The following NIBAN3 variants were observed in gnomAD, a reference collection of about 807,000 sequenced individuals.
The protein encoded by NIBAN3 is protein Niban 3.
Under a neutral mutation model 76.4 loss-of-function variants are expected in NIBAN3, and 66 were observed. That is an observed-to-expected ratio of 0.86 (90% CI 0.71 to 1.06). The LOEUF (loss-of-function observed/expected upper bound fraction) is 1.06, where lower values mean the gene tolerates loss of function less well. Ranked by LOEUF, NIBAN3 falls within the 50% of genes least tolerant of loss-of-function variation. NIBAN3 has a pLI of 0.00. For synonymous variants in NIBAN3, 360 were observed against 355.2 expected, an observed-to-expected ratio of 1.01 and a Z score of -0.15; for missense variants, 808 against 810.7, an observed-to-expected ratio of 1.00 and a Z score of 0.04.
At position 17,543,567 on chromosome 19, in the gene NIBAN3, G is replaced by C. The variant is rs754087949; in HGVS notation, c.1490G>C (p.Arg497Pro). The C allele has an allele frequency of 6.2e-7, 1 of 1,614,164 alleles. No homozygotes were observed. The highest frequency in any genetic ancestry group is 8.5e-7 in the Non-Finnish European group (1 of 1,180,022). Residue 497 changes from arginine to proline, a missense_variant, in exon 12 of 15, where the codon CGA (arginine) becomes CCA (proline). Transcript: ENST00000599164. ...GGGTTGGCGCAGAGGAGGTTCATCCGAGGCTGGGGTCTCTGCATCTTTTTA... is the reference window on the plus strand; with the variant it reads ...GGGTTGGCGCAGAGGAGGTTCATCCCAGGCTGGGGTCTCTGCATCTTTTTA... The part of the protein sequence containing the change: ...DSGLAQRRFI[R>P]GWGLCIFLPF...
chr19:17,554,103 A>T (rs922550365), downstream of NIBAN3, among the ~76,000 whole-genome samples: 3 of 151,920 alleles, frequency 2.0e-5, no homozygotes, highest in Non-Finnish European at 4.4e-5. Flanking sequence ...CGAACTCCTG[A>T]CCTCAAGTGA....
At chr19:17,555,029 A>G (rs909587276), downstream of NIBAN3, among the ~76,000 whole-genome samples, 26 of 152,004 alleles carry the variant, frequency 1.7e-4, no homozygotes, top group Non-Finnish European at 3.7e-4. Context: ...CCATGAAAAC[A>G]TGGCCCTTGT....
intron 14 of NIBAN3, 125 bp from the exon 15 acceptor site, chr19:17,551,661 G>A (rs1458227217): frequency 2.4e-5 from 13 of 548,038 alleles, no homozygotes; most frequent in Non-Finnish European, 3.0e-5. Context: ...AGAGTGCTGG[G>A]ATTACAGGCA....
intron 1 of NIBAN3, among the ~76,000 whole-genome samples, chr19:17,528,070 A>T (rs1228445122): frequency 6.8e-6 from 1 of 148,068 alleles, no homozygotes; most frequent in Non-Finnish European, 1.5e-5. Flanking sequence ...TTACCCCTTT[A>T]TGGTTTTTTT....
chr19:17,546,849 T>C (rs1460686086), intron 13 of NIBAN3, 52 bp downstream of exon 13: 7 of 1,547,690 alleles, frequency 4.5e-6, no homozygotes, highest in Non-Finnish European at 6.1e-6. Flanking sequence ...CTTGGCTGTA[T>C]GTACCGAGCC....
intron 5 of NIBAN3, among the ~76,000 whole-genome samples, chr19:17,537,859 T>TGG (rs2075853105): frequency 6.6e-6 from 1 of 151,576 alleles, no homozygotes; most frequent in African/African-American, 2.4e-5. Flanking sequence ...GGCAGGAGAA[T>TGG]CACTTGAACC....
intron 7 of NIBAN3, 72 bp from the exon 8 acceptor site, chr19:17,539,531 C>A (rs1183271211): frequency 4.7e-5 from 69 of 1,465,530 alleles, no homozygotes; most frequent in Non-Finnish European, 6.2e-5. Context: ...CGCCTAAACC[C>A]TCTCCCGATC....
chr19:17,525,354 CATTCATTCATTCATGCACACGTTT>C (rs960565340), upstream of NIBAN3, among the ~76,000 whole-genome samples: 9 of 151,984 alleles, frequency 5.9e-5, no homozygotes, highest in African/African-American at 1.9e-4. Flanking sequence ...TTCATTCATT[CATTCATTCATTCATGCACACGTTT>C]ATTCATGCAT....
At chr19:17,539,090 G>C in intron 5 of NIBAN3, 60 bp from the exon 6 acceptor site, 5 of 1,441,064 alleles carry the variant, frequency 3.5e-6, no homozygotes, top group Non-Finnish European at 4.7e-6. Context: ...CTTCCTCCCC[G>C]GGCCATCGGG....
chr19:17,554,880 A>G (rs1393662688), downstream of NIBAN3, among the ~76,000 whole-genome samples: 1 of 149,464 alleles, frequency 6.7e-6, no homozygotes, highest in Non-Finnish European at 1.5e-5. Context: ...CGGTCTTGCT[A>G]TGTTGCACCA....
chr19:17,547,913 A>C (rs4808665), intron 13 of NIBAN3, among the ~76,000 whole-genome samples: 134,432 of 152,120 alleles, frequency 0.88, 59,830 homozygotes, highest in Middle Eastern at 0.96. Context: ...GATCCGCCTG[A>C]CTTGGCCTCC....
chr19:17,537,728 C>T (rs555451408), intron 5 of NIBAN3, among the ~76,000 whole-genome samples, 185 bp downstream of exon 5: 1 of 151,436 alleles, frequency 6.6e-6, no homozygotes, highest in East Asian at 2.0e-4. Flanking sequence ...GGCAGATCAC[C>T]CAATGTCAGG....
Position 17,549,560 on chromosome 19 carries a change from AGT to A in NIBAN3, c.1750+35_1750+36del, listed in dbSNP as rs750300096. On this transcript the variant is annotated intron_variant, in intron 14 of 14. Coordinates refer to ENST00000599164, the MANE Select transcript of NIBAN3 (RefSeq NM_001321827.2). ...ACTTCACAGGCTTCTGAAACATGCC[AGT>A]GATTGCTGGGGGTGGGGAGGTGGAG... The A allele has an allele frequency of 5.8e-6, 9 of 1,543,256 alleles. 1 individual carries two copies. In the East Asian group the frequency reaches 2.0e-4, roughly 35 times the overall value.
intron 9 of NIBAN3, 27 bp downstream of exon 9, chr19:17,540,609 T>C (rs2075931466): frequency 7.1e-7 from 1 of 1,416,578 alleles, no homozygotes; most frequent in Non-Finnish European, 9.3e-7. Context: ...AGGGGTTCAG[T>C]GAGCCAGAGG....
chr19:17,527,212 G>A, upstream of NIBAN3: 2 of 1,546,844 alleles, frequency 1.3e-6, no homozygotes, highest in Middle Eastern at 2.1e-4. Context: ...AGCGTGGGGT[G>A]GGGCAGGGGC....
Position 17,542,438 on chromosome 19 carries a change from A to C in NIBAN3, c.1329+144A>C. On this transcript the variant is annotated intron_variant, in intron 10 of 14. Coordinates refer to ENST00000599164, the MANE Select transcript of NIBAN3 (RefSeq NM_001321827.2). This position sits in a 1 kb window ranked among gnomAD's most constrained non-coding sequence, Gnocchi z 4.8. ...CTCATGGGGACATGAGCCCGTGACC[A>C]GGCAGCAGCCACATGTGGTGGACAG... is the stretch of plus-strand genomic sequence containing the variant. 1.2e-6 allele frequency: 1 copy of C among 865,360 alleles called. No homozygotes were observed. The highest frequency in any genetic ancestry group is 1.7e-5 in the South Asian group (1 of 57,754). The allele number at this position is 865,360 out of a possible 1,614,324, so 53.6% of individuals were successfully genotyped here.
rs1315622255 is a variant in NIBAN3, at chr19:17,532,328, G to A, written c.252G>A (p.Trp84Ter). Reference protein sequence around the residue: ...LTQLRGHPPRWQPIFCVLRGD... With the variant: ...LTQLRGHPPR ...AGCTTCGGGGCCACCCACCCCGGTGGCAGCCGATCTTCTGTGTTCTGCGTG... is the reference window on the plus strand; with the variant it reads ...AGCTTCGGGGCCACCCACCCCGGTGACAGCCGATCTTCTGTGTTCTGCGTG... Residue 84 changes from tryptophan (W) to a stop codon, truncating the protein, a stop_gained, in exon 3 of 15, where the codon TGG (tryptophan) becomes TGA (stop). Transcript: ENST00000599164. LOFTEE classifies it high-confidence loss of function. 2 of 1,614,016 alleles carry A rather than the reference G, an allele frequency of 1.2e-6. No homozygotes were observed. Among genetic ancestry groups the A allele is most frequent in the Non-Finnish European group, 1.7e-6 (2 of 1,180,000 alleles).
chr19:17,549,821 TCTCTC>T (rs200207542), intron 14 of NIBAN3: 31 of 494,452 alleles, frequency 6.3e-5, no homozygotes, highest in African/African-American at 8.0e-5. Flanking sequence ...TCTCTCTCTC[TCTCTC>T]TTTTTTTTTT....
rs1469917139 is a variant in NIBAN3, at chr19:17,531,328, C to CAT, written c.186+444_186+445insTA. On this transcript the variant is annotated intron_variant, in intron 2 of 14. Coordinates refer to ENST00000599164, the MANE Select transcript of NIBAN3 (RefSeq NM_001321827.2). Reference sequence around the variant, plus strand: ...GGCAACAGAGCTAGACTCTGTCAAACACACACACACACACACACACACACA... The same window carrying CAT: ...GGCAACAGAGCTAGACTCTGTCAAACATACACACACACACACACACACACACA... Among the ~76,000 whole-genome samples, 53 of 9,630 alleles carry CAT rather than the reference C, an allele frequency of 5.5e-3. 1 individual carries two copies. In the African/African-American group the frequency reaches 0.07, roughly 13 times the overall value. The allele number at this position is 9,630 out of a possible 152,430, so 6.3% of individuals were successfully genotyped here.
Sources: allele counts gnomAD v4.1 joint callset (sites outside exome capture counted in the v4.1 genomes callset), GRCh38; gene constraint gnomAD v4.1.1; non-coding constraint Gnocchi (gnomAD v3.1); transcripts MANE v1.5; gene names NCBI Gene and HGNC (gene_info 2026-07-23, HGNC 2026-07-21).